Variants in GABRG1 observed in about 807,000 individuals in gnomAD.
GABRG1 encodes the protein gamma-aminobutyric acid receptor subunit gamma-1.
Under a neutral mutation model 49.8 loss-of-function variants are expected in GABRG1, and 49 were observed. That is an observed-to-expected ratio of 0.98 (90% CI 0.78 to 1.25). GABRG1 has a LOEUF of 1.25. GABRG1 is among the 50% of genes most tolerant of loss of function. GABRG1 has a pLI of 0.00. For synonymous variants in GABRG1, 232 were observed against 185.1 expected (o/e 1.25, Z -2.06); for missense variants, 552 against 552.3 (o/e 1.00, Z 0.01).
At chr4:46,053,742 C>T (rs954494393) in intron 7 of GABRG1, among the ~76,000 whole-genome samples, 4 of 151,922 alleles carry the variant, frequency 2.6e-5, no homozygotes, top group African/African-American at 9.7e-5. Context: ...GTTTCTGTTA[C>T]TTTCTTTTTT....
intron 5 of GABRG1, among the ~76,000 whole-genome samples, chr4:46,063,703 T>TTC (rs1317998552): frequency 1.3e-5 from 2 of 152,018 alleles, no homozygotes; most frequent in Non-Finnish European, 1.5e-5. Context: ...ACTAAAGAGC[T>TTC]TCTGCACAGC....
chr4:46,051,950 C>T (rs1718240700), intron 7 of GABRG1, among the ~76,000 whole-genome samples: 1 of 151,726 alleles, frequency 6.6e-6, no homozygotes, highest in Non-Finnish European at 1.5e-5. Context: ...ACTTTATTTG[C>T]CATCTCTCTG....
intron 5 of GABRG1, 68 bp downstream of exon 5, chr4:46,064,373 T>C: frequency 1.2e-6 from 1 of 842,064 alleles, no homozygotes; most frequent in South Asian, 1.8e-5. Flanking sequence ...TTTTCTTTCT[T>C]TTCATTTTTA....
chr4:46,067,765 C>A (rs1008350415), intron 3 of GABRG1, among the ~76,000 whole-genome samples: 2 of 152,116 alleles, frequency 1.3e-5, no homozygotes, highest in Admixed American at 6.6e-5. Flanking sequence ...AGTCATAAGG[C>A]AAACCGCATC....
chr4:46,093,040 G>T (rs1233021512), intron 2 of GABRG1, among the ~76,000 whole-genome samples: 1 of 142,548 alleles, frequency 7.0e-6, no homozygotes, highest in African/African-American at 2.6e-5. Context: ...TTGTACTCCA[G>T]CCTGGGCAAC....
At chr4:46,101,976 A>T (rs1720395466) in intron 1 of GABRG1, among the ~76,000 whole-genome samples, 1 of 151,698 alleles carries the variant, frequency 6.6e-6, no homozygotes. Flanking sequence ...TTATTTTTGC[A>T]TGTTAATAGT....
intron 3 of GABRG1, among the ~76,000 whole-genome samples, chr4:46,073,724 T>G (rs1356372104): frequency 6.6e-6 from 1 of 152,088 alleles, no homozygotes; most frequent in Non-Finnish European, 1.5e-5. Flanking sequence ...ATACCATGTT[T>G]TTTCCTATAC....
At chr4:46,072,239 T>C (rs1360628004) in intron 3 of GABRG1, among the ~76,000 whole-genome samples, 1 of 152,112 alleles carries the variant, frequency 6.6e-6, no homozygotes, top group Non-Finnish European at 1.5e-5. Flanking sequence ...TAGTAGACTA[T>C]ACCATGTAGG....
At chr4:46,047,008 G>C (rs1718024182) in intron 8 of GABRG1, among the ~76,000 whole-genome samples, 1 of 152,060 alleles carries the variant, frequency 6.6e-6, no homozygotes, top group Non-Finnish European at 1.5e-5. Flanking sequence ...TTTCCTAAGA[G>C]AAAATGTTTC....
At chr4:46,114,065 T>C (rs772982128) in intron 1 of GABRG1, among the ~76,000 whole-genome samples, 1 of 151,054 alleles carries the variant, frequency 6.6e-6, no homozygotes, top group Non-Finnish European at 1.5e-5. Context: ...TTTTCTCTCT[T>C]TTTTGCCTTC....
rs1310734838 is a variant in GABRG1, at chr4:46,056,156, A to T, written c.916+2061T>A. On this transcript the variant is annotated intron_variant, in intron 7 of 8. Coordinates refer to ENST00000295452, the MANE Select transcript of GABRG1 (RefSeq NM_173536.4). ...AAAAAAATAAATAAATAAATTAAAA[A>T]AAAAAAAAAAAAAAAAAAAAAAAAT... Among the ~76,000 whole-genome samples the T allele has an allele frequency of 2.9e-3, 89 of 30,236 alleles. 7 individuals are homozygous for T. The highest frequency in any genetic ancestry group is 0.019 in the African/African-American group (53 of 2,732). The allele number at this position is 30,236 out of a possible 152,430, so 19.8% of individuals were successfully genotyped here.
intron 5 of GABRG1, among the ~76,000 whole-genome samples, chr4:46,063,960 C>G (rs1219212875): frequency 6.6e-6 from 1 of 152,094 alleles, no homozygotes; most frequent in African/African-American, 2.4e-5. Context: ...CAACTTATTT[C>G]TACCTTGGTT....
intron 8 of GABRG1, among the ~76,000 whole-genome samples, chr4:46,041,720 G>A (rs892009340): frequency 6.6e-6 from 1 of 151,992 alleles, no homozygotes; most frequent in African/African-American, 2.4e-5. Context: ...AAAAAGTTAT[G>A]GGGTTTGTGA....
Position 46,058,316 on chromosome 4 carries a change from A to C in GABRG1, c.817T>G (p.Phe273Val). ...FFDLSRRMGY[F>V]TIQTYIPCIL... ...CATGGAATGTAGGTCTGAATAGTGA[A>C]ATATCCCATTCTTCTGCTCAGGTCA... Residue 273 changes from phenylalanine to valine, a missense_variant, in exon 7 of 9, where the codon TTC (phenylalanine) becomes GTC (valine). By Grantham distance (50) the Phe-to-Val change is conservative. Transcript: ENST00000295452. 1 of 1,613,374 alleles carries C rather than the reference A, an allele frequency of 6.2e-7. No homozygotes were observed. Among genetic ancestry groups the C allele is most frequent in the Non-Finnish European group, 8.5e-7 (1 of 1,179,576 alleles).
rs79061745 is a variant in GABRG1, at chr4:46,121,526, C to A, written c.104+2284G>T. ...TATTTCCCAACTTGGTCTCATAGAA[C>A]CCAATGGAGAAAGAAACATGTTCTA... On this transcript the variant is annotated intron_variant, in intron 1 of 8. Coordinates refer to ENST00000295452, the MANE Select transcript of GABRG1 (RefSeq NM_173536.4). 4.4e-3 allele frequency among the ~76,000 whole-genome samples: 667 copies of A among 151,972 alleles called. 1 individual carries two copies. The highest frequency in any genetic ancestry group is 6.6e-3 in the Admixed American group (100 of 15,230).
At chr4:46,045,718 A>G (rs1717968987) in intron 8 of GABRG1, among the ~76,000 whole-genome samples, 1 of 151,802 alleles carries the variant, frequency 6.6e-6, no homozygotes, top group South Asian at 2.1e-4. Context: ...TTTAAAATTA[A>G]CCAAGTGCCT....
rs756517614 is a variant in GABRG1 at position 46,051,560 on chromosome 4, G to A, written c.995C>T (p.Ala332Val). 5.6e-6 allele frequency: 9 copies of A among 1,611,244 alleles called. No individual in the cohort carries two copies. Among genetic ancestry groups the A allele is most frequent in the African/African-American group, 2.7e-5 (2 of 74,692 alleles). Reference sequence around the variant, plus strand: ...ACAAACAGAAACAAAGAGATCCATCGCAGTCACATAAGAAACCTTAGGTAA... The same window carrying A: ...ACAAACAGAAACAAAGAGATCCATCACAGTCACATAAGAAACCTTAGGTAA... ...KSLPKVSYVT[A>V]MDLFVSVCFI... The change falls in exon 8 of 9, where the codon GCG (alanine) becomes GTG (valine). Residue 332 changes from alanine (A) to valine (V), a missense_variant. By Grantham distance (64) the Ala-to-Val change is moderately conservative. Coordinates refer to ENST00000295452, the MANE Select transcript of GABRG1 (RefSeq NM_173536.4).
chr4:46,093,703 A>G (rs1226924100), intron 2 of GABRG1, among the ~76,000 whole-genome samples: 1 of 151,982 alleles, frequency 6.6e-6, no homozygotes, highest in African/African-American at 2.4e-5. Context: ...TACCTCATGT[A>G]CCCCATAAAT....
chr4:46,105,791 T>TAGATA (rs1553883516), intron 1 of GABRG1, among the ~76,000 whole-genome samples: 14 of 144,662 alleles, frequency 9.7e-5, no homozygotes, highest in African/African-American at 3.6e-4. Context: ...GGTAGATAGA[T>TAGATA]GATAGATAGA....
Sources: allele counts gnomAD v4.1 joint callset (sites outside exome capture counted in the v4.1 genomes callset), GRCh38; gene constraint gnomAD v4.1.1; transcripts MANE v1.5; gene names NCBI Gene and HGNC (gene_info 2026-07-23, HGNC 2026-07-21).